The following PTPRE variants were observed in gnomAD, a reference collection of about 807,000 sequenced individuals.
PTPRE encodes the protein receptor-type tyrosine-protein phosphatase epsilon.
In PTPRE, 51 loss-of-function variants were observed where a neutral mutation model predicts 102.0. That is an observed-to-expected ratio of 0.50 (90% CI 0.40 to 0.63). The LOEUF (loss-of-function observed/expected upper bound fraction) is 0.63. PTPRE is among the 30% of genes least tolerant of loss of function. The pLI is 0.00. For missense variants in PTPRE, 752 were observed against 915.1 expected (o/e 0.82, Z 2.30); for synonymous variants, 345 against 348.2 (o/e 0.99, Z 0.10).
At chr10:128,061,569 T>A in intron 8 of PTPRE, 110 bp from the exon 9 acceptor site, 1 of 1,364,028 alleles carries the variant, frequency 7.3e-7, no homozygotes, top group Non-Finnish European at 9.8e-7. Context: ...TTCCTGTGTT[T>A]TGCAAATTTT....
In PTPRE at chr10:127,982,281, C is replaced by A; in HGVS notation, c.-23C>A. ...TTCTTCTTTCTTCTTCAGACTATAG[C>A]CTTCACTTTCCCTCGGTGAGTACAA... On this transcript the variant is annotated 5_prime_UTR_variant, in exon 2 of 21. Coordinates refer to ENST00000254667, the MANE Select transcript of PTPRE (RefSeq NM_006504.6). 1 of 1,269,078 alleles carries A rather than the reference C, an allele frequency of 7.9e-7. No individual in the cohort carries two copies. Among genetic ancestry groups the A allele is most frequent in the Non-Finnish European group, 1.0e-6 (1 of 974,860 alleles). The allele number at this position is 1,269,078 out of a possible 1,614,324, so 78.6% of individuals were successfully genotyped here. A position where few individuals can be genotyped will look rare whatever the true frequency, so the allele number is the denominator to read the frequency against.
chr10:127,992,843 T>TGCGTGCCCA (rs1852821122), intron 2 of PTPRE, among the ~76,000 whole-genome samples: 1 of 152,224 alleles, frequency 6.6e-6, no homozygotes, highest in Non-Finnish European at 1.5e-5. Flanking sequence ...GAAAGCCAGG[T>TGCGTGCCCA]GCGTGCCCAG....
At chr10:127,978,591 T>C (rs556316060) in intron 1 of PTPRE, among the ~76,000 whole-genome samples, 3 of 152,114 alleles carry the variant, frequency 2.0e-5, no homozygotes, top group South Asian at 2.1e-4. Context: ...TACATTGCAA[T>C]GTAGGATGGC....
chr10:128,070,402 C>T lies in PTPRE; in HGVS notation c.1245C>T (p.His415=), dbSNP rs374850911. ...TGGAGAAGCACCTGCAGACCATGCA[C>T]GGCACCACCACCCACTTCGACAAGA... The part of the protein sequence containing the change: ...SSLEKHLQTM[H]GTTTHFDKIG... The change falls in exon 14 of 21, where the codon CAC becomes CAT. Residue 415 remains histidine (H), a synonymous_variant. Coordinates refer to ENST00000254667, the MANE Select transcript of PTPRE (RefSeq NM_006504.6). The surrounding 1 kb of genome is among the most constrained non-coding windows in gnomAD (Gnocchi z 4.8). 30 of 1,614,022 alleles carry T rather than the reference C, an allele frequency of 1.9e-5. No homozygotes were observed. The highest frequency in any genetic ancestry group is 4.4e-5 in the South Asian group (4 of 91,084).
chr10:127,929,478 T>G (rs1476881648), intron 1 of PTPRE: 1 of 152,186 alleles, frequency 6.6e-6, no homozygotes, highest in Admixed American at 6.5e-5. Context: ...CTCTACCTGG[T>G]CCAGGTACAG....
At position 127,970,090 on chromosome 10, in the gene PTPRE, C is replaced by T. The variant is rs540082894; in HGVS notation, c.-30-12184C>T. ...TTTCATATAAGTACTTACACACACG[C>T]GTAAAAAAAAGAGCCAGTAACCAAG... On this transcript the variant is annotated intron_variant, in intron 1 of 20. Transcript: ENST00000254667. Among the ~76,000 whole-genome samples, 15 of 152,186 alleles carry T rather than the reference C, an allele frequency of 9.9e-5. 1 individual carries two copies. Among genetic ancestry groups the T allele is most frequent in the East Asian group, 3.9e-4 (2 of 5,176 alleles).
chr10:127,983,204 C>T (rs1444222461), intron 2 of PTPRE, among the ~76,000 whole-genome samples: 2 of 152,114 alleles, frequency 1.3e-5, no homozygotes, highest in Admixed American at 6.5e-5. Flanking sequence ...TGCTTATGGT[C>T]GTTCTTGGTG....
Position 127,907,198 on chromosome 10 carries a change from C to T in PTPRE, c.-142C>T. 1.0e-6 allele frequency: 1 copy of T among 958,404 alleles called. No homozygotes were observed. Among genetic ancestry groups the T allele is most frequent in the African/African-American group, 1.8e-5 (1 of 56,618 alleles). 59.4% of individuals were successfully genotyped at this position (958,404 alleles called of 1,614,324 possible). A position where few individuals can be genotyped will look rare whatever the true frequency, so the allele number is the denominator to read the frequency against. On this transcript the variant is annotated 5_prime_UTR_variant, in exon 1 of 21. Coordinates refer to ENST00000254667, the MANE Select transcript of PTPRE (RefSeq NM_006504.6). This position sits in a 1 kb window ranked among gnomAD's most constrained non-coding sequence, Gnocchi z 4.8. ...GCCTCTGCGCGTCCCCGCGACCCTT[C>T]TTCGCGCCCGGCGAAGACAGCCGGG... is the stretch of plus-strand genomic sequence containing the variant.
chr10:128,042,123 G>T (rs1847745777), intron 3 of PTPRE, among the ~76,000 whole-genome samples: 1 of 152,320 alleles, frequency 6.6e-6, no homozygotes, highest in African/African-American at 2.4e-5. Flanking sequence ...TCAGGGGCAG[G>T]TCACTGGTGG....
intron 2 of PTPRE, among the ~76,000 whole-genome samples, chr10:128,023,492 C>T (rs1846073792): frequency 6.6e-6 from 1 of 152,198 alleles, no homozygotes; most frequent in Non-Finnish European, 1.5e-5. Context: ...GTTTACATGA[C>T]TTCCATGACA....
At chr10:127,923,545 A>G (rs1460199784) in intron 1 of PTPRE, among the ~76,000 whole-genome samples, 1 of 151,920 alleles carries the variant, frequency 6.6e-6, no homozygotes, top group African/African-American at 2.4e-5. Flanking sequence ...CTGGGATTAC[A>G]GGCGCCCGCC....
In PTPRE at chr10:128,070,599, C is replaced by G. The variant is rs540781060; in HGVS notation, c.1293+149C>G. 6.1e-5 allele frequency: 76 copies of G among 1,240,012 alleles called. No homozygotes were observed. The highest frequency in any genetic ancestry group is 7.9e-5 in the Non-Finnish European group (72 of 909,396). 76.8% of individuals were successfully genotyped at this position (1,240,012 alleles called of 1,614,324 possible). A position where few individuals can be genotyped will look rare whatever the true frequency, so the allele number is the denominator to read the frequency against. On this transcript the variant is annotated intron_variant, in intron 14 of 20. Transcript: ENST00000254667. The surrounding 1 kb of genome is among the most constrained non-coding windows in gnomAD (Gnocchi z 4.8). ...GGGGCAATACCTGAGCCATGATTTA[C>G]AAGGGAAGAAGGATCAGGTGGCTTT... is the stretch of plus-strand genomic sequence containing the variant.
chr10:128,053,026 A>G (rs563146122), intron 6 of PTPRE, among the ~76,000 whole-genome samples: 3 of 152,202 alleles, frequency 2.0e-5, no homozygotes, highest in Non-Finnish European at 4.4e-5. Flanking sequence ...AGGTGGGCAG[A>G]TCATTTGAGC....
chr10:127,919,309 C>G (rs554111128), intron 1 of PTPRE, among the ~76,000 whole-genome samples: 1 of 152,312 alleles, frequency 6.6e-6, no homozygotes, highest in South Asian at 2.1e-4. Context: ...CACCAAAAAC[C>G]AAAGTTAAAT....
At chr10:128,000,873 T>C (rs913816685) in intron 2 of PTPRE, among the ~76,000 whole-genome samples, 2 of 151,936 alleles carry the variant, frequency 1.3e-5, no homozygotes, top group African/African-American at 2.4e-5. Flanking sequence ...CTCAGCAGTG[T>C]TCAGACACCT....
rs1327821181 is a variant in PTPRE at position 127,982,329 on chromosome 10, A to G, written c.-8+33A>G. ...CAAAACTTTTTAAAAATTATTTTTG[A>G]TGTACAGATAACTAGTTTAAAATAA... On this transcript the variant is annotated intron_variant, in intron 2 of 20. Coordinates refer to ENST00000254667, the MANE Select transcript of PTPRE (RefSeq NM_006504.6). 5 of 1,173,308 alleles carry G rather than the reference A, an allele frequency of 4.3e-6. No homozygotes were observed. The South Asian group carries it at 6.7e-5, about 16-fold the overall frequency. The allele number at this position is 1,173,308 out of a possible 1,614,324, so 72.7% of individuals were successfully genotyped here.
chr10:127,957,940 T>G (rs1291527470), intron 1 of PTPRE, among the ~76,000 whole-genome samples: 1 of 152,246 alleles, frequency 6.6e-6, no homozygotes, highest in Admixed American at 6.5e-5. Flanking sequence ...ATTTCATATT[T>G]AGGGATGCTA....
At position 128,002,683 on chromosome 10, in the gene PTPRE, C is replaced by CT. The variant is rs59007980; in HGVS notation, c.-8+20424dup. ...TTTGCAGTGTTTGGGAGTCACATAT[C>CT]TTTTTTTTTTTTTTTTTTTTTTTTT... On this transcript the variant is annotated intron_variant, in intron 2 of 20. Coordinates refer to ENST00000254667, the MANE Select transcript of PTPRE (RefSeq NM_006504.6). Among the ~76,000 whole-genome samples the CT allele has an allele frequency of 3.4e-4, 14 of 41,152 alleles. 2 individuals are homozygous for CT. Among genetic ancestry groups the CT allele is most frequent in the Admixed American group, 8.5e-4 (2 of 2,354 alleles). 27.0% of individuals were successfully genotyped at this position (41,152 alleles called of 152,430 possible).
intron 2 of PTPRE, among the ~76,000 whole-genome samples, chr10:127,995,498 C>T (rs1051871235): frequency 2.0e-5 from 3 of 152,110 alleles, no homozygotes; most frequent in Non-Finnish European, 4.4e-5. Flanking sequence ...AGAATAGCAC[C>T]GCAAAATTAC....
Sources: allele counts gnomAD v4.1 joint callset (sites outside exome capture counted in the v4.1 genomes callset), GRCh38; gene constraint gnomAD v4.1.1; non-coding constraint Gnocchi (gnomAD v3.1); transcripts MANE v1.5; gene names NCBI Gene and HGNC (gene_info 2026-07-23, HGNC 2026-07-21).